Variants in DNAJC6 observed in about 807,000 individuals in gnomAD.
DNAJC6 encodes the protein DnaJ heat shock protein family (Hsp40) member C6.
DNAJC6 carries 34 observed loss-of-function variants against 110.0 expected under a neutral mutation model. The ratio of observed to expected loss-of-function variants is 0.31; its 90% CI spans 0.24 to 0.41. The LOEUF (loss-of-function observed/expected upper bound fraction) is 0.41, where lower values mean the gene tolerates loss of function less well. Ranked by LOEUF, DNAJC6 falls within the 10% of genes least tolerant of loss-of-function variation. The pLI is 1.00. For missense variants in DNAJC6, 1,031 were observed against 1,207.8 expected (o/e 0.85, Z 2.17); for synonymous variants, 406 against 437.2 (o/e 0.93, Z 0.89).
At chr1:65,380,904 G>GTT (rs1557551972) in intron 5 of DNAJC6, among the ~76,000 whole-genome samples, 5 of 107,032 alleles carry the variant, frequency 4.7e-5, no homozygotes, top group African/African-American at 2.2e-4. Context: ...TTTTTTTTTT[G>GTT]TTTTTTGTTT....
intron 1 of DNAJC6, among the ~76,000 whole-genome samples, chr1:65,342,946 A>G (rs1166461035): frequency 6.6e-6 from 1 of 152,178 alleles, no homozygotes; most frequent in Admixed American, 6.5e-5. Flanking sequence ...CTTCTTGTGC[A>G]TTCTCAATTT....
At chr1:65,295,563 T>C (rs1644921234) in intron 1 of DNAJC6, among the ~76,000 whole-genome samples, 1 of 152,176 alleles carries the variant, frequency 6.6e-6, no homozygotes, top group African/African-American at 2.4e-5. Context: ...AAAGAATAAA[T>C]GTACACTATA....
intron 1 of DNAJC6, among the ~76,000 whole-genome samples, chr1:65,295,156 A>G (rs1336311091): frequency 6.6e-6 from 1 of 152,208 alleles, no homozygotes; most frequent in Non-Finnish European, 1.5e-5. Flanking sequence ...CAGAGATGCA[A>G]TCTGAATTAA....
chr1:65,367,012 T>G (rs1645653024), intron 4 of DNAJC6, among the ~76,000 whole-genome samples: 1 of 152,200 alleles, frequency 6.6e-6, no homozygotes, highest in Admixed American at 6.6e-5. Flanking sequence ...ATTGATAATC[T>G]CTGGGCCTCA....
At chr1:65,343,011 T>C (rs1645403877) in intron 1 of DNAJC6, among the ~76,000 whole-genome samples, 1 of 152,188 alleles carries the variant, frequency 6.6e-6, no homozygotes, top group African/African-American at 2.4e-5. Context: ...GATTCTAAAT[T>C]TCTTTATCTA....
intron 1 of DNAJC6, among the ~76,000 whole-genome samples, chr1:65,289,336 C>T (rs1362520260): frequency 2.6e-5 from 4 of 151,888 alleles, no homozygotes; most frequent in African/African-American, 7.3e-5. Flanking sequence ...GCTGGGACTA[C>T]AGGCGCGTGC....
At position 65,394,808 on chromosome 1, in the gene DNAJC6, C is replaced by T. The variant is rs537082086; in HGVS notation, c.1904-90C>T. 45 of 1,419,692 alleles carry T rather than the reference C, an allele frequency of 3.2e-5. No homozygotes were observed. The East Asian group carries it at 1.1e-3, about 36-fold the overall frequency. 87.9% of individuals were successfully genotyped at this position (1,419,692 alleles called of 1,614,324 possible). A position where few individuals can be genotyped will look rare whatever the true frequency, so the allele number is the denominator to read the frequency against. On this transcript the variant is annotated intron_variant, in intron 12 of 18. Transcript: ENST00000371069. Reference sequence around the variant, plus strand: ...ACAAAGATAGGAAATTCTTGGAGTCCACTGTTAGCCCTACAGGAAGTGACA... The same window carrying T: ...ACAAAGATAGGAAATTCTTGGAGTCTACTGTTAGCCCTACAGGAAGTGACA...
At chr1:65,349,161 G>T (rs1170722498) in intron 1 of DNAJC6, among the ~76,000 whole-genome samples, 1 of 145,662 alleles carries the variant, frequency 6.9e-6, no homozygotes, top group Non-Finnish European at 1.5e-5. Context: ...TTTGGTATGT[G>T]GTTTCTCCAG....
chr1:65,300,043 C>CA (rs59681451), intron 1 of DNAJC6, among the ~76,000 whole-genome samples: 11,269 of 111,076 alleles, frequency 0.1, 750 homozygotes, highest in East Asian at 0.26. Context: ...AACTCCATCT[C>CA]AAAAAAAAAA....
intron 4 of DNAJC6, among the ~76,000 whole-genome samples, chr1:65,369,518 C>CT (rs1222315807): frequency 6.6e-6 from 1 of 152,144 alleles, no homozygotes. Flanking sequence ...ATGGTAGAGT[C>CT]TACCATAAAT....
intron 8 of DNAJC6, 151 bp downstream of exon 8, chr1:65,387,080 A>G: frequency 2.9e-6 from 2 of 681,970 alleles, no homozygotes; most frequent in East Asian, 2.7e-5. Context: ...CACCTCCTTC[A>G]TCTTACAGGG....
At chr1:65,322,028 TTG>T (rs1417128492) in intron 1 of DNAJC6, among the ~76,000 whole-genome samples, 1 of 152,220 alleles carries the variant, frequency 6.6e-6, no homozygotes, top group East Asian at 1.9e-4. Flanking sequence ...GAGCCTGGCT[TTG>T]TCTCTGAATG....
rs563018160 is a variant in DNAJC6, at chr1:65,303,699, C to G, written c.-131+38767C>G. Reference sequence around the variant, plus strand: ...TCAGCCTCCTGAGTAGCTGGAGCTACAGGCACGTGGCACCATGCCCAGCTA... The same window carrying G: ...TCAGCCTCCTGAGTAGCTGGAGCTAGAGGCACGTGGCACCATGCCCAGCTA... On this transcript the variant is annotated intron_variant, in intron 1 of 19. Coordinates refer to the DNAJC6 transcript ENST00000263441. 4.3e-4 allele frequency among the ~76,000 whole-genome samples: 66 copies of G among 152,214 alleles called. 1 individual carries two copies. The South Asian group carries it at 0.014, about 31-fold the overall frequency.
chr1:65,360,233 A>C (rs973979407), intron 1 of DNAJC6, among the ~76,000 whole-genome samples: 1 of 152,192 alleles, frequency 6.6e-6, no homozygotes, highest in Non-Finnish European at 1.5e-5. Flanking sequence ...AGCAACATCA[A>C]ATAATGCCCC....
At chr1:65,268,515 A>G (rs546379746) in intron 1 of DNAJC6, among the ~76,000 whole-genome samples, 3 of 152,328 alleles carry the variant, frequency 2.0e-5, no homozygotes, top group Admixed American at 6.5e-5. Flanking sequence ...TATTGTCACA[A>G]CACTGCAAGG....
chr1:65,390,208 T>A (rs928690030), intron 11 of DNAJC6, among the ~76,000 whole-genome samples: 11 of 152,180 alleles, frequency 7.2e-5, no homozygotes, highest in African/African-American at 2.7e-4. Context: ...AAGTGTGATT[T>A]GTTTATGATC....
intron 1 of DNAJC6, among the ~76,000 whole-genome samples, chr1:65,335,210 A>G (rs1326454245): frequency 6.6e-6 from 1 of 151,570 alleles, no homozygotes; most frequent in East Asian, 1.9e-4. Context: ...CGGGTTCAAG[A>G]TATTCTCCTG....
At chr1:65,409,720 C>T (rs1646111001) in intron 17 of DNAJC6, among the ~76,000 whole-genome samples, 1 of 152,146 alleles carries the variant, frequency 6.6e-6, no homozygotes, top group African/African-American at 2.4e-5. Context: ...GGAAGTGTGG[C>T]TCCTGTCTTC....
At chr1:65,286,472 C>T (rs1217951276) in intron 1 of DNAJC6, among the ~76,000 whole-genome samples, 1 of 152,120 alleles carries the variant, frequency 6.6e-6, no homozygotes, top group Non-Finnish European at 1.5e-5. Context: ...GTCTTGAACT[C>T]CTGGGCTCAA....
Sources: gnomAD v4.1 joint callset for allele counts (sites outside exome capture counted in the v4.1 genomes callset) on GRCh38, gnomAD v4.1.1 for gene constraint, MANE v1.5 for transcripts, NCBI Gene and HGNC (gene_info 2026-07-23, HGNC 2026-07-21) for gene names.